MADD: variants seen among roughly 807,000 people sequenced by gnomAD.
MADD encodes MAP kinase-activating death domain protein.
MADD carries 109 observed loss-of-function variants against 176.7 expected under a neutral mutation model. The ratio of observed to expected loss-of-function variants is 0.62; its 90% CI spans 0.53 to 0.72. The LOEUF (loss-of-function observed/expected upper bound fraction) is 0.72, where lower values mean the gene tolerates loss of function less well. Ranked by LOEUF, MADD falls within the 30% of genes least tolerant of loss-of-function variation. The pLI, the probability that MADD is intolerant of heterozygous loss-of-function variation, is 0.00. For synonymous variants in MADD, 771 were observed against 771.3 expected (o/e 1.00, Z 0.01); for missense variants, 1,914 against 2,045.5 (o/e 0.94, Z 1.24).
chr11:47,282,388 A>G, exon 9 of MADD: 1 of 1,614,088 alleles, frequency 6.2e-7, no homozygotes. Context: ...CAGGGTTGCC[A>G]TGGTACGGTT....
intron 21 of MADD, 126 bp downstream of exon 23, chr11:47,295,705 T>C (rs908295055): frequency 3.9e-6 from 6 of 1,553,270 alleles, no homozygotes; most frequent in Middle Eastern, 2.3e-4. Flanking sequence ...GGTGGAGATG[T>C]TTACCATCAT....
At chr11:47,271,540 G>T in intron 1 of MADD, among the ~76,000 whole-genome samples, 1 of 152,158 alleles carries the variant, frequency 6.6e-6, no homozygotes, top group East Asian at 1.9e-4. Flanking sequence ...ATCCCACCAA[G>T]GCTAGAGAGG....
intron 25 of MADD, among the ~76,000 whole-genome samples, chr11:47,311,159 G>A (rs2088702539): frequency 6.6e-6 from 1 of 152,130 alleles, no homozygotes; most frequent in South Asian, 2.1e-4. Context: ...ACGAGCCACT[G>A]GGTTTCTCCT....
At chr11:47,300,935 C>G (rs996886476) in intron 22 of MADD, among the ~76,000 whole-genome samples, 7 of 148,692 alleles carry the variant, frequency 4.7e-5, no homozygotes, top group African/African-American at 1.7e-4. Context: ...TAGTTATAGT[C>G]TCCAGTGATT....
chr11:47,311,378 A>G (rs1481673723), intron 25 of MADD, among the ~76,000 whole-genome samples: 2 of 152,088 alleles, frequency 1.3e-5, no homozygotes, highest in Non-Finnish European at 1.5e-5. Context: ...TGGTGTTGCC[A>G]CTCTAAGTCA....
At chr11:47,328,730 G>T (rs2095738620) in intron 32 of MADD, 26 bp downstream of exon 36, 1 of 1,613,892 alleles carries the variant, frequency 6.2e-7, no homozygotes, top group South Asian at 1.1e-5. Flanking sequence ...AACCCTGATG[G>T]GCCACGGTGC....
intron 30 of MADD, among the ~76,000 whole-genome samples, chr11:47,326,324 G>A (rs2095454539): frequency 1.3e-5 from 2 of 152,206 alleles, no homozygotes; most frequent in African/African-American, 4.8e-5. Flanking sequence ...TCTGAGGGGA[G>A]CTTTGCGCCC....
At position 47,323,873 on chromosome 11, in the gene MADD, A is replaced by C. The variant is rs894900310; in HGVS notation, c.4362+38A>C. 4.4e-6 allele frequency: 7 copies of C among 1,594,328 alleles called. No homozygotes were observed. In the African/African-American group the frequency reaches 8.1e-5, roughly 18 times the overall value. On this transcript the variant is annotated intron_variant, in intron 28 of 32. Coordinates refer to ENST00000402192, the Ensembl canonical transcript of MADD. ...TGTGTTTGGGTTGGGGCTAGTAGGC[A>C]TTGAAGACCAAATAGTGAATTTCTC...
chr11:47,275,954 G>A (rs2049466256), exon 4 of MADD: 1 of 1,613,908 alleles, frequency 6.2e-7, no homozygotes, highest in Admixed American at 1.7e-5. Context: ...GAAGTCAAGT[G>A]CCCTTCTGCA....
chr11:47,329,307 C>T (rs2095803994), exon 33 of MADD: 2 of 640,780 alleles, frequency 3.1e-6, no homozygotes, highest in East Asian at 2.6e-5. Flanking sequence ...TTATGTGTCC[C>T]TCTGAGTGTG....
intron 26 of MADD, among the ~76,000 whole-genome samples, chr11:47,313,190 C>A (rs2090843907): frequency 6.6e-6 from 1 of 152,084 alleles, no homozygotes; most frequent in African/African-American, 2.4e-5. Context: ...TATTTAAAGA[C>A]TTTTCTAATG....
intron 12 of MADD, 30 bp downstream of exon 12, chr11:47,284,595 C>T: frequency 6.2e-7 from 1 of 1,606,462 alleles, no homozygotes; most frequent in South Asian, 1.1e-5. Context: ...TGAGTGAGAA[C>T]CATGGCCTGG....
At chr11:47,328,630 GTT>G in intron 31 of MADD, 26 bp from the exon 36 acceptor site, 2 of 1,614,170 alleles carry the variant, frequency 1.2e-6, no homozygotes, top group Admixed American at 1.7e-5. Flanking sequence ...TGAACTTTCT[GTT>G]TTGTCTCTTG....
exon 22 of MADD, chr11:47,295,965 A>G (rs182035796): frequency 1.9e-6 from 3 of 1,614,112 alleles, no homozygotes; most frequent in East Asian, 2.2e-5. Flanking sequence ...GTGATGGACC[A>G]GGTGGCGAGG....
intron 31 of MADD, chr11:47,327,527 G>C: frequency 2.0e-6 from 2 of 985,410 alleles, no homozygotes; most frequent in Non-Finnish European, 2.4e-6. Context: ...CATCGAACCA[G>C]CTCCTCACAC....
intron 19 of MADD, among the ~76,000 whole-genome samples, chr11:47,291,859 C>G (rs966411606): frequency 1.9e-4 from 29 of 152,176 alleles, no homozygotes; most frequent in Non-Finnish European, 3.8e-4. Context: ...AAAAGAATTG[C>G]TGTGGTTGCC....
intron 14 of MADD, 31 bp downstream of exon 14, chr11:47,285,621 T>C (rs1325548750): frequency 6.2e-7 from 1 of 1,613,128 alleles, no homozygotes; most frequent in East Asian, 2.2e-5. Context: ...CTCTCACTCC[T>C]GTGTTCCATT....
At chr11:47,292,164 A>T (rs1019424331) in intron 19 of MADD, among the ~76,000 whole-genome samples, 2 of 152,138 alleles carry the variant, frequency 1.3e-5, no homozygotes, top group Non-Finnish European at 2.9e-5. Flanking sequence ...TGGTAGAGAG[A>T]GTGTGTGGCA....
At chr11:47,283,442 C>G (rs867907646) in intron 10 of MADD, among the ~76,000 whole-genome samples, 1 of 151,910 alleles carries the variant, frequency 6.6e-6, no homozygotes, top group Non-Finnish European at 1.5e-5. Flanking sequence ...TGCTCTGTCA[C>G]GCGGTCTGGA....
Sources: allele counts gnomAD v4.1 joint callset (sites outside exome capture counted in the v4.1 genomes callset), GRCh38; gene constraint gnomAD v4.1.1; transcripts MANE v1.5; gene names NCBI Gene and HGNC (gene_info 2026-07-23, HGNC 2026-07-21).